Variants in PEBP4 observed in about 807,000 individuals in gnomAD.
PEBP4 encodes the protein phosphatidylethanolamine-binding protein 4.
A neutral mutation model predicts 23.9 loss-of-function variants in PEBP4; 22 were observed. The ratio of observed to expected loss-of-function variants is 0.92; its 90% CI spans 0.66 to 1.31. The LOEUF (loss-of-function observed/expected upper bound fraction) is 1.31, where lower values mean the gene tolerates loss of function less well. Among genes scored for constraint, PEBP4 ranks in the 40% most tolerant of loss-of-function variants. The pLI, the probability that PEBP4 is intolerant of heterozygous loss-of-function variation, is 0.00. For synonymous variants in PEBP4, 112 were observed against 99.3 expected, an observed-to-expected ratio of 1.13 and a Z score of -0.76; for missense variants, 324 against 281.7, an observed-to-expected ratio of 1.15 and a Z score of -1.07.
At chr8:22,808,846 G>T (rs73671301) in intron 4 of PEBP4, among the ~76,000 whole-genome samples, 2,111 of 152,260 alleles carry the variant, frequency 0.014, 58 homozygotes, top group African/African-American at 0.048. Context: ...GATTTGATTT[G>T]ATTTGATTTT....
intron 4 of PEBP4, among the ~76,000 whole-genome samples, chr8:22,816,058 G>A (rs942306588): frequency 2.0e-5 from 3 of 152,196 alleles, no homozygotes; most frequent in African/African-American, 4.8e-5. Context: ...CCCTGAGACC[G>A]CTGGGGAGGC....
intron 4 of PEBP4, among the ~76,000 whole-genome samples, chr8:22,764,385 T>C (rs1260359957): frequency 6.6e-6 from 1 of 152,142 alleles, no homozygotes; most frequent in African/African-American, 2.4e-5. Context: ...TTATTTGATA[T>C]GTGAAGGTGT....
intron 6 of PEBP4, among the ~76,000 whole-genome samples, chr8:22,722,363 GC>G (rs1246704921): frequency 1.3e-5 from 2 of 152,156 alleles, no homozygotes; most frequent in Non-Finnish European, 2.9e-5. Context: ...GGAAACTGAG[GC>G]CCAGCGAGGT....
intron 3 of PEBP4, among the ~76,000 whole-genome samples, chr8:22,845,386 A>T (rs1012023361): frequency 5.9e-5 from 8 of 136,740 alleles, no homozygotes; most frequent in Admixed American, 1.5e-4. Flanking sequence ...AAAAAAAAAA[A>T]TTGCTGGGTG....
chr8:22,783,670 T>G (rs1371415294), intron 4 of PEBP4, among the ~76,000 whole-genome samples: 1 of 152,138 alleles, frequency 6.6e-6, no homozygotes, highest in Non-Finnish European at 1.5e-5. Context: ...GGTTTTTGGT[T>G]TTTGTTTTGT....
At chr8:22,726,036 C>T (rs535946915) in intron 5 of PEBP4, among the ~76,000 whole-genome samples, 96 of 117,110 alleles carry the variant, frequency 8.2e-4, no homozygotes, top group Non-Finnish European at 1.4e-3. Flanking sequence ...TGTGTGCACG[C>T]GCATGTGCAC....
intron 3 of PEBP4, among the ~76,000 whole-genome samples, chr8:22,899,367 G>A (rs1808664427): frequency 6.6e-6 from 1 of 152,218 alleles, no homozygotes; most frequent in Non-Finnish European, 1.5e-5. Flanking sequence ...CAGAGAGAAT[G>A]GCTCTCATGT....
rs1554492243 is a variant in PEBP4 at position 22,860,194 on chromosome 8, A to ATATATGTACACATATATG, written c.259-42460_259-42459insCATATATGTGTACATATA. Among the ~76,000 whole-genome samples, 33 of 97,588 alleles carry ATATATGTACACATATATG rather than the reference A, an allele frequency of 3.4e-4. 1 individual carries two copies. Among genetic ancestry groups the ATATATGTACACATATATG allele is most frequent in the Admixed American group, 9.7e-4 (9 of 9,284 alleles). 64.0% of individuals were successfully genotyped at this position (97,588 alleles called of 152,430 possible). On this transcript the variant is annotated intron_variant, in intron 3 of 6. Transcript: ENST00000256404. ...TATATATATATACACATATATATGT[A>ATATATGTACACATATATG]TATATATATATACACATATATGTAT...
At chr8:22,723,530 A>T (rs1804560846) in intron 6 of PEBP4, among the ~76,000 whole-genome samples, 1 of 151,882 alleles carries the variant, frequency 6.6e-6, no homozygotes, top group South Asian at 2.1e-4. Context: ...GCTTCATTTT[A>T]TGAGAACCCC....
At chr8:22,906,787 G>T (rs1808825430) in intron 3 of PEBP4, among the ~76,000 whole-genome samples, 1 of 152,202 alleles carries the variant, frequency 6.6e-6, no homozygotes, top group South Asian at 2.1e-4. Context: ...CGAATGCTTG[G>T]TATGCACCAG....
chr8:22,815,528 T>A lies in PEBP4; in HGVS notation c.357+2109A>T, dbSNP rs368976565. 4.6e-5 allele frequency among the ~76,000 whole-genome samples: 7 copies of A among 152,322 alleles called. 1 individual carries two copies. The highest frequency in any genetic ancestry group is 1.4e-4 in the African/African-American group (6 of 41,576). ...ACCTAAATGAATTTGGTTGACACCG[T>A]CTCTGTGGCTGGTGGAATTTTGGGG... On this transcript the variant is annotated intron_variant, in intron 4 of 6. Transcript: ENST00000256404.
intron 3 of PEBP4, among the ~76,000 whole-genome samples, chr8:22,850,296 T>C (rs779040848): frequency 2.8e-4 from 43 of 152,036 alleles, no homozygotes; most frequent in Admixed American, 4.6e-4. Flanking sequence ...CAAGAGTGAA[T>C]GGGAGGAATG....
chr8:22,726,117 T>A (rs941463483), intron 5 of PEBP4, among the ~76,000 whole-genome samples: 17 of 152,124 alleles, frequency 1.1e-4, no homozygotes, highest in African/African-American at 3.9e-4. Context: ...GGGGTGGGTG[T>A]GTGTACATGA....
chr8:22,893,740 A>T (rs575629522), intron 3 of PEBP4, among the ~76,000 whole-genome samples: 5 of 152,200 alleles, frequency 3.3e-5, no homozygotes, highest in African/African-American at 1.2e-4. Context: ...AATAGAAACT[A>T]TTCAAAATAA....
intron 4 of PEBP4, among the ~76,000 whole-genome samples, chr8:22,749,049 G>T (rs184866827): frequency 6.6e-6 from 1 of 152,176 alleles, no homozygotes. Context: ...AGGGGACTGA[G>T]GTGGGTGTGG....
chr8:22,915,458 G>A (rs2128779768), intron 3 of PEBP4, among the ~76,000 whole-genome samples: 1 of 151,834 alleles, frequency 6.6e-6, no homozygotes, highest in East Asian at 1.9e-4. Context: ...CCCTTGCTGG[G>A]TCCCGGCTCA....
At chr8:22,766,249 G>T (rs73553819) in intron 4 of PEBP4, among the ~76,000 whole-genome samples, 2,066 of 152,350 alleles carry the variant, frequency 0.014, 47 homozygotes, top group African/African-American at 0.044. Flanking sequence ...ATTCATGCCT[G>T]TGGGACTGTG....
At chr8:22,816,283 G>A (rs1486943790) in intron 4 of PEBP4, among the ~76,000 whole-genome samples, 1 of 152,210 alleles carries the variant, frequency 6.6e-6, no homozygotes, top group Non-Finnish European at 1.5e-5. Context: ...GGTCTCCCTT[G>A]AGGAAGCCCC....
intron 4 of PEBP4, among the ~76,000 whole-genome samples, chr8:22,772,782 C>T (rs1385876286): frequency 6.6e-6 from 1 of 152,178 alleles, no homozygotes; most frequent in South Asian, 2.1e-4. Context: ...GGCCCACAGA[C>T]CTTTTCTTAG....
Sources: allele counts gnomAD v4.1 joint callset (sites outside exome capture counted in the v4.1 genomes callset), GRCh38; gene constraint gnomAD v4.1.1; transcripts MANE v1.5; gene names NCBI Gene and HGNC (gene_info 2026-07-23, HGNC 2026-07-21).